The following ERC2 variants were observed in gnomAD, a reference collection of about 807,000 sequenced individuals.
ERC2 encodes the protein ERC protein 2.
In ERC2, 42 loss-of-function variants were observed where a neutral mutation model predicts 114.8. The observed-to-expected ratio is 0.37, with a 90% confidence interval of 0.29 to 0.47. The LOEUF is 0.47. Ranked by LOEUF, ERC2 falls within the 20% of genes least tolerant of loss-of-function variation. The pLI is 0.99. For synonymous variants in ERC2, 454 were observed against 425.5 expected (o/e 1.07, Z -0.82); for missense variants, 939 against 1,150.7 (o/e 0.82, Z 2.66).
intron 14 of ERC2, among the ~76,000 whole-genome samples, chr3:55,783,396 G>A (rs1390708889): frequency 6.6e-6 from 1 of 152,170 alleles, no homozygotes; most frequent in African/African-American, 2.4e-5. Flanking sequence ...TCAGCAATGT[G>A]CCTAGATTGT....
intron 3 of ERC2, among the ~76,000 whole-genome samples, chr3:56,291,699 CA>C (rs1216716677): frequency 6.6e-6 from 1 of 152,044 alleles, no homozygotes; most frequent in African/African-American, 2.4e-5. Context: ...CCTAAAACCT[CA>C]AGTACATTTT....
chr3:56,008,500 C>T (rs2072673211), intron 9 of ERC2, among the ~76,000 whole-genome samples: 2 of 152,108 alleles, frequency 1.3e-5, no homozygotes, highest in Non-Finnish European at 2.9e-5. Context: ...TATTATAATC[C>T]AGTCACTTTG....
intron 14 of ERC2, among the ~76,000 whole-genome samples, chr3:55,823,868 A>G (rs2060224396): frequency 6.6e-6 from 1 of 152,142 alleles, no homozygotes; most frequent in Non-Finnish European, 1.5e-5. Flanking sequence ...CCATAACAAG[A>G]TACCACAGAC....
chr3:56,032,901 CAGAAAGAAAGAAAGAA>C (rs200940238), intron 7 of ERC2, among the ~76,000 whole-genome samples: 373 of 36,872 alleles, frequency 0.01, 8 homozygotes, highest in African/African-American at 0.013. Context: ...GAGAGAGAGA[CAGAAAGAAAGAAAGAA>C]AGAAAGAAAG....
chr3:56,289,700 C>T (rs2054957376), intron 3 of ERC2, among the ~76,000 whole-genome samples: 1 of 152,228 alleles, frequency 6.6e-6, no homozygotes, highest in Non-Finnish European at 1.5e-5. Context: ...TAAAATTCCT[C>T]CTGCCTTGAA....
At chr3:55,830,091 T>C (rs1259447474) in intron 14 of ERC2, among the ~76,000 whole-genome samples, 1 of 152,166 alleles carries the variant, frequency 6.6e-6, no homozygotes, top group Non-Finnish European at 1.5e-5. Flanking sequence ...TCAAAGCAGT[T>C]ACAGAAAAAT....
At chr3:55,610,060 C>CAAAAAAAAAAAAAAAAAAAA (rs1172154104) in intron 17 of ERC2, among the ~76,000 whole-genome samples, 8 of 50,430 alleles carry the variant, frequency 1.6e-4, no homozygotes, top group Non-Finnish European at 1.9e-4. Flanking sequence ...CAAACAAACA[C>CAAAAAAAAAAAAAAAAAAAA]AAACAAAAAA....
At chr3:56,217,090 G>C (rs1324950859) in intron 3 of ERC2, among the ~76,000 whole-genome samples, 1 of 152,172 alleles carries the variant, frequency 6.6e-6, no homozygotes, top group African/African-American at 2.4e-5. Flanking sequence ...ACAAGACAGG[G>C]ATGCCCTCTC....
rs150665522 is a variant in ERC2 at position 56,301,078 on chromosome 3, A to G, written c.658-4643T>C. On this transcript the variant is annotated intron_variant, in intron 2 of 17. Coordinates refer to ENST00000288221, the MANE Select transcript of ERC2 (RefSeq NM_015576.3). Reference sequence around the variant, plus strand: ...AGCCTGGGCAACATAGAGAGACCCCATATCTATTTAAAAAGAAAGAATTAG... The same window carrying G: ...AGCCTGGGCAACATAGAGAGACCCCGTATCTATTTAAAAAGAAAGAATTAG... 2.2e-3 allele frequency among the ~76,000 whole-genome samples: 331 copies of G among 151,942 alleles called. 10 individuals carry two copies. In the East Asian group the frequency reaches 0.058, roughly 27 times the overall value.
chr3:56,151,635 C>T (rs574782311), intron 4 of ERC2, among the ~76,000 whole-genome samples: 9 of 152,174 alleles, frequency 5.9e-5, no homozygotes, highest in Non-Finnish European at 1.0e-4. Context: ...CTGCATCAGT[C>T]CAAAGAATTT....
Position 55,683,842 on chromosome 3 carries a change from T to C in ERC2, c.2865A>G (p.Ile955Met). The change falls in exon 17 of 18, where the codon ATA becomes ATG. Residue 955 changes from isoleucine to methionine, a missense_variant. By Grantham distance (10) the Ile-to-Met change is conservative. Transcript: ENST00000288221. ...PSPDQDDEEG[I>M]WA ...TGGTTTACAGGCCCGGCTATGCCCATATGCCCTCCTCGTCATCCTGCGGCC... is the reference window on the plus strand; with the variant it reads ...TGGTTTACAGGCCCGGCTATGCCCACATGCCCTCCTCGTCATCCTGCGGCC... 1.2e-6 allele frequency: 2 copies of C among 1,612,914 alleles called. No homozygotes were observed. Among genetic ancestry groups the C allele is most frequent in the Non-Finnish European group, 1.7e-6 (2 of 1,179,470 alleles).
At chr3:56,403,002 G>A (rs528831364) in intron 2 of ERC2, among the ~76,000 whole-genome samples, 69 of 152,226 alleles carry the variant, frequency 4.5e-4, no homozygotes, top group African/African-American at 1.6e-3. Flanking sequence ...CCCAACTGTG[G>A]TAACCAAAAA....
chr3:55,717,679 CAGG>C lies in ERC2; in HGVS notation c.2712+17089_2712+17091del, dbSNP rs745417582. Among the ~76,000 whole-genome samples the C allele has an allele frequency of 7.9e-5, 12 of 152,328 alleles. No homozygotes were observed. In the South Asian group the frequency reaches 2.5e-3, roughly 32 times the overall value. On this transcript the variant is annotated intron_variant, in intron 15 of 17. Transcript: ENST00000288221. ...ACATCCTAACATCCTGGCAAACTGT[CAGG>C]AGAACAATCGTTTGACTGGAGAATG...
chr3:55,642,182 A>G (rs2060211893), intron 17 of ERC2, among the ~76,000 whole-genome samples: 1 of 152,104 alleles, frequency 6.6e-6, no homozygotes, highest in African/African-American at 2.4e-5. Flanking sequence ...ACTATCAGGC[A>G]AAGAGGAAAA....
At chr3:55,808,701 TTATATA>T (rs377604698) in intron 14 of ERC2, among the ~76,000 whole-genome samples, 3,075 of 61,604 alleles carry the variant, frequency 0.05, 92 homozygotes, top group African/African-American at 0.076. Flanking sequence ...TACCATAATT[TTATATA>T]TATATATATA....
chr3:56,305,840 T>A (rs1425208794), intron 2 of ERC2, among the ~76,000 whole-genome samples: 2 of 152,216 alleles, frequency 1.3e-5, no homozygotes, highest in Admixed American at 6.5e-5. Context: ...GACATATATA[T>A]TGTCTTTTTT....
At chr3:56,358,148 G>A (rs2058814673) in intron 2 of ERC2, among the ~76,000 whole-genome samples, 1 of 152,090 alleles carries the variant, frequency 6.6e-6, no homozygotes, top group Non-Finnish European at 1.5e-5. Context: ...TTGTTGGAAT[G>A]AACTTGAACC....
chr3:56,039,112 C>T (rs1198512895), intron 7 of ERC2, among the ~76,000 whole-genome samples: 1 of 152,150 alleles, frequency 6.6e-6, no homozygotes, highest in African/African-American at 2.4e-5. Flanking sequence ...AGCCTAATTG[C>T]AAATAAACTA....
intron 2 of ERC2, among the ~76,000 whole-genome samples, chr3:56,299,117 TTG>T (rs2055670144): frequency 1.5e-5 from 2 of 132,730 alleles, no homozygotes; most frequent in Non-Finnish European, 1.6e-5. Flanking sequence ...TTTTTTTTTT[TTG>T]TTTTTTTTTT....
Sources: gnomAD v4.1 joint callset for allele counts (sites outside exome capture counted in the v4.1 genomes callset) on GRCh38, gnomAD v4.1.1 for gene constraint, MANE v1.5 for transcripts, NCBI Gene and HGNC (gene_info 2026-07-23, HGNC 2026-07-21) for gene names.